The following PRRC2B variants were observed in gnomAD, a reference collection of about 807,000 sequenced individuals.
PRRC2B encodes the protein protein PRRC2B.
In PRRC2B, 68 loss-of-function variants were observed where a neutral mutation model predicts 242.3. The ratio of observed to expected loss-of-function variants is 0.28; its 90% confidence interval spans 0.23 to 0.34. PRRC2B has a LOEUF of 0.34. Among genes scored for constraint, PRRC2B ranks in the 10% least tolerant of loss-of-function variants. The pLI is 1.00. For missense variants in PRRC2B, 2,835 were observed against 2,954.8 expected, an observed-to-expected ratio of 0.96 and a Z score of 0.94; for synonymous variants, 1,228 against 1,173.6, an observed-to-expected ratio of 1.05 and a Z score of -0.95.
chr9:131,494,436 T>C lies in PRRC2B; in HGVS notation c.6505T>C (p.Ser2169Pro). Residue 2169 changes from serine to proline, a missense_variant, in exon 31 of 32, where the codon TCT (serine) becomes CCT (proline). Physicochemically the swap from Ser to Pro is moderately conservative, Grantham distance 74. Around this residue, in one of 7 missense-constraint regions of PRRC2B, gnomAD observed 574 missense variants for 626.0 expected, o/e 0.92. Coordinates refer to ENST00000683519, the MANE Select transcript of PRRC2B (RefSeq NM_013318.4). The surrounding 1 kb of genome is among the most constrained non-coding windows in gnomAD (Gnocchi z 4.3). ...PSSASPSGKP[S>P]GSAVNMGSVQ... ...CTCTGCTAGCCCCAGTGGGAAGCCC[T>C]CTGGATCAGCAGTTAACATGGGCTC... The C allele has an allele frequency of 1.2e-6, 2 of 1,605,366 alleles. No individual in the cohort carries two copies. Among genetic ancestry groups the C allele is most frequent in the Non-Finnish European group, 1.7e-6 (2 of 1,174,986 alleles).
rs780414320 is a variant in PRRC2B at position 131,474,535 on chromosome 9, G to A, written c.2406G>A (p.Glu802=). Residue 802 remains glutamate, a synonymous_variant, in exon 16 of 32, where the codon GAG becomes GAA. Coordinates refer to ENST00000683519, the MANE Select transcript of PRRC2B (RefSeq NM_013318.4). The stretch of plus-strand genomic sequence containing the variant: ...GCGATCTCTTTGAGGAGAGAGGGGA[G>A]GAGTACTTGAGTGCTTTTGACAAGA... The part of the protein sequence containing the change: ...AQRDLFEERG[E]EYLSAFDKKA... The A allele has an allele frequency of 1.9e-6, 3 of 1,613,976 alleles. No individual in the cohort carries two copies. Among genetic ancestry groups the A allele is most frequent in the Non-Finnish European group, 2.5e-6 (3 of 1,179,884 alleles).
At chr9:131,431,124 TTTTTG>T (rs1324661303) in intron 2 of PRRC2B, among the ~76,000 whole-genome samples, 1 of 151,170 alleles carries the variant, frequency 6.6e-6, no homozygotes, top group African/African-American at 2.4e-5. Context: ...CTAATTTTGC[TTTTTG>T]TTTTTTGTTT....
chr9:131,495,836 A>G lies in PRRC2B; in HGVS notation c.6652A>G (p.Lys2218Glu), dbSNP rs376479055. Reference protein sequence around the residue: ...ASQMKRTGAIKPRAVKVEESK... With the variant: ...ASQMKRTGAIEPRAVKVEESK... ...CCAGATGAAGCGAACCGGAGCGATCAAGCCTCGGGCTGTCAAAGTGGAGGA... is the reference window on the plus strand; with the variant it reads ...CCAGATGAAGCGAACCGGAGCGATCGAGCCTCGGGCTGTCAAAGTGGAGGA... Residue 2218 changes from lysine (K) to glutamate (E), a missense_variant, in exon 32 of 32, where the codon AAG becomes GAG. Physicochemically the swap from Lys to Glu is moderately conservative, Grantham distance 56. Coordinates refer to ENST00000683519, the MANE Select transcript of PRRC2B (RefSeq NM_013318.4). 11 of 1,611,842 alleles carry G rather than the reference A, an allele frequency of 6.8e-6. No homozygotes were observed. The highest frequency in any genetic ancestry group is 8.5e-6 in the Non-Finnish European group (10 of 1,178,318).
chr9:131,429,565 A>G (rs1838068779), intron 1 of PRRC2B, among the ~76,000 whole-genome samples: 1 of 152,116 alleles, frequency 6.6e-6, no homozygotes, highest in Non-Finnish European at 1.5e-5. Context: ...AAAAGTGTAT[A>G]TACTTGATTA....
intron 9 of PRRC2B, among the ~76,000 whole-genome samples, chr9:131,450,181 A>G (rs1161706991): frequency 2.0e-5 from 3 of 152,172 alleles, no homozygotes; most frequent in African/African-American, 7.2e-5. Flanking sequence ...ATTTAGAATC[A>G]ACCTGTCAGT....
intron 1 of PRRC2B, among the ~76,000 whole-genome samples, chr9:131,427,787 GTGGTAA>G (rs1368361637): frequency 6.6e-6 from 1 of 152,232 alleles, no homozygotes; most frequent in Non-Finnish European, 1.5e-5. Flanking sequence ...TTACCAGTCA[GTGGTAA>G]AATGGGGAAT....
intron 1 of PRRC2B, among the ~76,000 whole-genome samples, chr9:131,418,834 T>TA (rs1472529117): frequency 6.6e-6 from 1 of 152,232 alleles, no homozygotes; most frequent in Non-Finnish European, 1.5e-5. Context: ...TTATGACCCT[T>TA]ACTGCTGAAT....
At chr9:131,420,454 T>TCC (rs1564278464) in intron 1 of PRRC2B, among the ~76,000 whole-genome samples, 11 of 8,018 alleles carry the variant, frequency 1.4e-3, no homozygotes, top group African/African-American at 1.9e-3. Context: ...TCTTTTTCTT[T>TCC]TTCTTTCTTT....
At chr9:131,397,447 C>T (rs1406040329) in intron 1 of PRRC2B, among the ~76,000 whole-genome samples, 1 of 151,960 alleles carries the variant, frequency 6.6e-6, no homozygotes, top group Non-Finnish European at 1.5e-5. Flanking sequence ...TTGCCTTGTG[C>T]TTAGCTGAGG....
At chr9:131,472,904 T>G (rs1402204925) in intron 14 of PRRC2B, among the ~76,000 whole-genome samples, 4 of 152,262 alleles carry the variant, frequency 2.6e-5, no homozygotes, top group African/African-American at 9.6e-5. Context: ...TTTCTTTTGC[T>G]TCTACATTTC....
At chr9:131,420,352 T>C (rs138809781) in intron 1 of PRRC2B, among the ~76,000 whole-genome samples, 1 of 151,982 alleles carries the variant, frequency 6.6e-6, no homozygotes, top group Non-Finnish European at 1.5e-5. Flanking sequence ...GCCTTCAGCT[T>C]TCCAGATGAG....
chr9:131,432,810 G>A lies in PRRC2B; in HGVS notation c.293+16G>A, dbSNP rs371405011. Reference sequence around the variant, plus strand: ...ACCCAAAGAGGTAAACGGAGGAGGCGGGTGGTGAGTGGGAGCTGGCGCTCC... The same window carrying A: ...ACCCAAAGAGGTAAACGGAGGAGGCAGGTGGTGAGTGGGAGCTGGCGCTCC... On this transcript the variant is annotated intron_variant, in intron 3 of 31. Coordinates refer to ENST00000683519, the MANE Select transcript of PRRC2B (RefSeq NM_013318.4). 116 of 1,612,160 alleles carry A rather than the reference G, an allele frequency of 7.2e-5. 2 individuals carry two copies. In the South Asian group the frequency reaches 1.0e-3, roughly 14 times the overall value.
intron 9 of PRRC2B, among the ~76,000 whole-genome samples, chr9:131,450,662 A>G (rs972300094): frequency 1.3e-5 from 2 of 151,710 alleles, no homozygotes; most frequent in African/African-American, 4.9e-5. Flanking sequence ...ATCTCAGCTC[A>G]TTGCAACCTC....
At chr9:131,481,311 CAAAAAAA>C (rs11404767) in intron 19 of PRRC2B, among the ~76,000 whole-genome samples, 3 of 79,260 alleles carry the variant, frequency 3.8e-5, no homozygotes, top group African/African-American at 1.7e-4. Flanking sequence ...ACTCCGTCTC[CAAAAAAA>C]AAAAAAAAAA....
rs1278555183 is a variant in PRRC2B, at chr9:131,474,900, G to A, written c.2771G>A (p.Ser924Asn). 1 of 1,594,806 alleles carries A rather than the reference G, an allele frequency of 6.3e-7. No homozygotes were observed. The highest frequency in any genetic ancestry group is 1.1e-5 in the South Asian group (1 of 88,362). ...CCTGAATGGACTCCCGAGCCCCGGA[G>A]CTCCAGCAGCCAGCACCCGGAGCAG... ...SEPEWTPEPR[S>N]SSSQHPEQTG... The change falls in exon 16 of 32, where the codon AGC becomes AAC. Residue 924 changes from serine (S) to asparagine (N), a missense_variant. Physicochemically the swap from Ser to Asn is conservative, Grantham distance 46. This residue lies in a region of PRRC2B where 1,536 missense variants were observed against 1,483.1 expected (regional missense o/e 1.04). Transcript: ENST00000683519.
rs1564296523 is a variant in PRRC2B, at chr9:131,475,528, G to C, written c.3399G>C (p.Glu1133Asp). 2.5e-6 allele frequency: 4 copies of C among 1,611,926 alleles called. No individual in the cohort carries two copies. The highest frequency in any genetic ancestry group is 1.1e-5 in the South Asian group (1 of 90,970). Residue 1133 changes from glutamate (E) to aspartate (D), a missense_variant, in exon 16 of 32, where the codon GAG becomes GAC. Glu to Asp is a conservative substitution (Grantham distance 45). Around this residue, in one of 7 missense-constraint regions of PRRC2B, gnomAD observed 1,536 missense variants for 1,483.1 expected, o/e 1.04. Coordinates refer to ENST00000683519, the MANE Select transcript of PRRC2B (RefSeq NM_013318.4). Reference protein sequence around the residue: ...RAKPRRRVASETHSEGSEYEE... With the variant: ...RAKPRRRVASDTHSEGSEYEE... ...AGCCCCGACGGAGAGTTGCCAGTGA[G>C]ACCCATAGCGAGGGCTCAGAGTATG...
intron 19 of PRRC2B, among the ~76,000 whole-genome samples, chr9:131,480,746 C>T (rs1943836104): frequency 1.3e-5 from 2 of 152,050 alleles, no homozygotes; most frequent in South Asian, 4.1e-4. Context: ...CCCCCACCCC[C>T]TGCTAGCATG....
At chr9:131,435,502 A>G (rs1321158789) in intron 3 of PRRC2B, among the ~76,000 whole-genome samples, 2 of 149,860 alleles carry the variant, frequency 1.3e-5, no homozygotes, top group Admixed American at 6.7e-5. Context: ...GTAATCCCAG[A>G]TATTCGGGAG....
chr9:131,488,367 G>A (rs186583527), intron 28 of PRRC2B, among the ~76,000 whole-genome samples: 273 of 151,880 alleles, frequency 1.8e-3, no homozygotes, highest in African/African-American at 6.3e-3. Flanking sequence ...ACATTCAGGC[G>A]ATGCTCCTGC....
Sources: gnomAD v4.1 joint callset for allele counts (sites outside exome capture counted in the v4.1 genomes callset) on GRCh38, gnomAD v4.1.1 for gene constraint, gnomAD v4.1.1 regional missense constraint, Gnocchi (gnomAD v3.1) non-coding constraint, MANE v1.5 for transcripts, NCBI Gene and HGNC (gene_info 2026-07-23, HGNC 2026-07-21) for gene names.